MYO1B: variants seen among roughly 807,000 people sequenced by gnomAD.
MYO1B encodes the protein myosin IB.
MYO1B carries 72 observed loss-of-function variants against 159.7 expected under a neutral mutation model. The observed-to-expected ratio is 0.45, with a 90% CI of 0.37 to 0.55. MYO1B has a LOEUF of 0.55. Among genes scored for constraint, MYO1B ranks in the 20% least tolerant of loss-of-function variants. The pLI, the probability that MYO1B is intolerant of heterozygous loss-of-function variation, is 0.00. For missense variants in MYO1B, 1,062 were observed against 1,364.8 expected (o/e 0.78, Z 3.50); for synonymous variants, 468 against 473.8 (o/e 0.99, Z 0.16).
intron 13 of MYO1B, 26 bp downstream of exon 13, chr2:191,370,318 T>C: frequency 6.5e-7 from 1 of 1,528,962 alleles, no homozygotes; most frequent in Non-Finnish European, 9.1e-7. Context: ...TTTTTTGTAT[T>C]GTCTTTAGTA....
chr2:191,403,208 C>T (rs1401729827), intron 24 of MYO1B, among the ~76,000 whole-genome samples: 1 of 152,148 alleles, frequency 6.6e-6, no homozygotes, highest in Non-Finnish European at 1.5e-5. Context: ...AAGGGTCTTG[C>T]ATCATTAAGC....
intron 3 of MYO1B, among the ~76,000 whole-genome samples, chr2:191,299,496 C>T (rs922011723): frequency 6.6e-6 from 1 of 152,166 alleles, no homozygotes. Context: ...ATGCTTTTCC[C>T]TCTTTCTCCA....
chr2:191,397,130 T>TTTTC (rs2126119038), intron 21 of MYO1B, among the ~76,000 whole-genome samples: 1 of 107,734 alleles, frequency 9.3e-6, no homozygotes, highest in South Asian at 2.6e-4. Context: ...GATGATTTCT[T>TTTTC]TTTTTTTTTT....
At chr2:191,421,658 T>C (rs920675472) in intron 30 of MYO1B, among the ~76,000 whole-genome samples, 1 of 152,122 alleles carries the variant, frequency 6.6e-6, no homozygotes, top group African/African-American at 2.4e-5. Flanking sequence ...GTATTTTTAG[T>C]AGAGACGTGG....
At chr2:191,251,103 T>G (rs1686085239) in intron 1 of MYO1B, among the ~76,000 whole-genome samples, 1 of 152,212 alleles carries the variant, frequency 6.6e-6, no homozygotes. Context: ...GTCATTCTCC[T>G]TCCCCAGCTG....
At chr2:191,315,508 T>C (rs1375538188) in intron 3 of MYO1B, among the ~76,000 whole-genome samples, 1 of 152,226 alleles carries the variant, frequency 6.6e-6, no homozygotes, top group East Asian at 1.9e-4. Flanking sequence ...GTTAATACCA[T>C]GACATCTTCT....
At chr2:191,362,190 C>T in intron 8 of MYO1B, 78 bp from the exon 9 acceptor site, 1 of 1,105,734 alleles carries the variant, frequency 9.0e-7, no homozygotes, top group Non-Finnish European at 1.4e-6. Context: ...CCGATGTGAA[C>T]AAGATATCAA....
intron 23 of MYO1B, 57 bp from the exon 24 acceptor site, chr2:191,402,575 T>A (rs1696678876): frequency 7.0e-6 from 10 of 1,436,974 alleles, no homozygotes; most frequent in Non-Finnish European, 7.8e-6. Flanking sequence ...CTTTTTCTGG[T>A]CATTTGTGCT....
chr2:191,258,885 G>A (rs1483589795), intron 1 of MYO1B, among the ~76,000 whole-genome samples: 1 of 152,196 alleles, frequency 6.6e-6, no homozygotes. Flanking sequence ...AAATGTTAAA[G>A]GAAACTTGTA....
Position 191,418,536 on chromosome 2 carries a change from C to G in MYO1B, c.3287+2294C>G, listed in dbSNP as rs568433038. Among the ~76,000 whole-genome samples the G allele has an allele frequency of 1.2e-4, 14 of 121,024 alleles. No individual in the cohort carries two copies. In the East Asian group the frequency reaches 3.1e-3, roughly 27 times the overall value. The allele number at this position is 121,024 out of a possible 152,430, so 79.4% of individuals were successfully genotyped here. A position where few individuals can be genotyped will look rare whatever the true frequency, so the allele number is the denominator to read the frequency against. ...CAGAGTTTCGCTCTTGTTGCCAAGG[C>G]TGGAGTGCAGTGGCACGATCTTGGC... On this transcript the variant is annotated intron_variant, in intron 30 of 30. Transcript: ENST00000392318.
At chr2:191,403,352 A>C (rs1328689646) in intron 24 of MYO1B, among the ~76,000 whole-genome samples, 2 of 152,182 alleles carry the variant, frequency 1.3e-5, no homozygotes, top group African/African-American at 4.8e-5. Context: ...AGTAGGGTAC[A>C]CTTATGTGTA....
At chr2:191,333,992 GCA>G (rs1460664105) in intron 4 of MYO1B, among the ~76,000 whole-genome samples, 1 of 151,992 alleles carries the variant, frequency 6.6e-6, no homozygotes, top group East Asian at 1.9e-4. Context: ...CTATCTACAA[GCA>G]CACATATTCA....
chr2:191,283,377 G>A (rs569815016), intron 2 of MYO1B, among the ~76,000 whole-genome samples: 59 of 152,316 alleles, frequency 3.9e-4, no homozygotes, highest in Non-Finnish European at 6.6e-4. Context: ...AAGCAGTATG[G>A]TAGCACTAAG....
chr2:191,418,785 A>AGCCT (rs1046934639), intron 30 of MYO1B, among the ~76,000 whole-genome samples: 3 of 152,102 alleles, frequency 2.0e-5, no homozygotes, highest in African/African-American at 7.2e-5. Context: ...CACCGCGCCC[A>AGCCT]GCCTGTTCAG....
At chr2:191,394,687 T>G (rs1327410047) in intron 20 of MYO1B, among the ~76,000 whole-genome samples, 1 of 152,116 alleles carries the variant, frequency 6.6e-6, no homozygotes, top group Non-Finnish European at 1.5e-5. Context: ...AAGGAGAAAC[T>G]TCGGGGAGGG....
chr2:191,365,876 G>A (rs973974568), intron 11 of MYO1B, among the ~76,000 whole-genome samples: 1 of 152,192 alleles, frequency 6.6e-6, no homozygotes, highest in Non-Finnish European at 1.5e-5. Context: ...CAGTCAGAGT[G>A]GCAAATCTGC....
chr2:191,400,385 C>T lies in MYO1B; in HGVS notation c.2299C>T (p.Arg767Ter), dbSNP rs1467876594. The T allele has an allele frequency of 5.0e-6, 8 of 1,613,588 alleles. No homozygotes were observed. Among genetic ancestry groups the T allele is most frequent in the African/African-American group, 1.3e-5 (1 of 74,732 alleles). ...TTTGGGTGATTCTGCCCTTTAGGCT[C>T]GAAAAATTCTGCGGGAACTGAAGCA... is the stretch of plus-strand genomic sequence containing the variant. ...IQSYIRGWKA[R>*]KILRELKHQK... is the part of the protein sequence containing the mutation. Residue 767 changes from arginine to a stop codon, truncating the protein, a stop_gained, in exon 22 of 31, where the codon CGA (arginine) becomes TGA (stop). Transcript: ENST00000392318. LOFTEE classifies it high-confidence loss of function.
chr2:191,413,762 T>C (rs1697392619), intron 27 of MYO1B, among the ~76,000 whole-genome samples: 2 of 152,304 alleles, frequency 1.3e-5, no homozygotes, highest in South Asian at 4.1e-4. Context: ...GTCTTAGCTG[T>C]TGTTCTTATG....
intron 4 of MYO1B, among the ~76,000 whole-genome samples, chr2:191,336,370 G>T (rs1489021152): frequency 1.3e-5 from 2 of 152,174 alleles, no homozygotes; most frequent in Admixed American, 1.3e-4. Flanking sequence ...GCATTTCACA[G>T]TGTTGAAAAT....
Sources: gnomAD v4.1 joint callset for allele counts (sites outside exome capture counted in the v4.1 genomes callset) on GRCh38, gnomAD v4.1.1 for gene constraint, MANE v1.5 for transcripts, NCBI Gene and HGNC (gene_info 2026-07-23, HGNC 2026-07-21) for gene names.